Variants in SHQ1 observed in about 807,000 individuals in gnomAD.
SHQ1 encodes protein SHQ1 homolog.
SHQ1 carries 49 observed loss-of-function variants against 53.8 expected under a neutral mutation model. The ratio of observed to expected loss-of-function variants is 0.91; its 90% CI spans 0.72 to 1.16. The LOEUF (loss-of-function observed/expected upper bound fraction) is 1.16. Ranked by LOEUF, SHQ1 falls within the 50% of genes most tolerant of loss-of-function variation. The pLI is 0.00. For synonymous variants in SHQ1, 243 were observed against 251.0 expected, an observed-to-expected ratio of 0.97 and a Z score of 0.30; for missense variants, 738 against 683.1, an observed-to-expected ratio of 1.08 and a Z score of -0.90.
intron 10 of SHQ1, among the ~76,000 whole-genome samples, chr3:72,751,723 G>T (rs2106700699): frequency 7.0e-6 from 1 of 142,608 alleles, no homozygotes; most frequent in Non-Finnish European, 1.6e-5. Flanking sequence ...TCATATGTCA[G>T]ATATATTTTT....
chr3:72,778,338 A>G (rs959443964), intron 10 of SHQ1, among the ~76,000 whole-genome samples: 1 of 152,122 alleles, frequency 6.6e-6, no homozygotes, highest in Non-Finnish European at 1.5e-5. Flanking sequence ...AGTCCTAACT[A>G]CTCGGGAGGA....
chr3:72,817,671 G>A (rs1200011681), intron 6 of SHQ1, among the ~76,000 whole-genome samples: 1 of 152,236 alleles, frequency 6.6e-6, no homozygotes, highest in East Asian at 1.9e-4. Flanking sequence ...TAAGACGTCT[G>A]AATGCCAGTT....
the SHQ1 span, among the ~76,000 whole-genome samples, chr3:72,738,027 C>G: frequency 5.5e-3 from 841 of 152,300 alleles, 7 homozygotes; most frequent in African/African-American, 0.019. Flanking sequence ...CTAACCCTCC[C>G]GTGTTCAGCC....
downstream of SHQ1, among the ~76,000 whole-genome samples, chr3:72,747,894 C>T (rs1245521944): frequency 6.6e-6 from 1 of 151,836 alleles, no homozygotes; most frequent in Non-Finnish European, 1.5e-5. Flanking sequence ...GAGGCTGAGG[C>T]AGGAGAATCA....
At chr3:72,728,482 C>G in the SHQ1 span, among the ~76,000 whole-genome samples, 1 of 152,172 alleles carries the variant, frequency 6.6e-6, no homozygotes. Context: ...TGGACAGAAA[C>G]AGTTAATCTG....
chr3:72,802,447 A>G (rs1418644659), intron 9 of SHQ1, among the ~76,000 whole-genome samples: 1 of 152,194 alleles, frequency 6.6e-6, no homozygotes, highest in African/African-American at 2.4e-5. Context: ...TCCTCCCTGA[A>G]TAAGACCCAA....
chr3:72,792,888 A>T, intron 10 of SHQ1, 28 bp downstream of exon 10: 1 of 1,603,964 alleles, frequency 6.2e-7, no homozygotes, highest in Non-Finnish European at 8.5e-7. Flanking sequence ...ACATCTAAAA[A>T]TTCGTAAGTA....
intron 6 of SHQ1, among the ~76,000 whole-genome samples, chr3:72,821,977 A>G (rs1175603570): frequency 6.6e-6 from 1 of 152,164 alleles, no homozygotes; most frequent in Non-Finnish European, 1.5e-5. Flanking sequence ...TCACAGAGAA[A>G]CCATCCAACT....
rs1216022898 is a variant in SHQ1 at position 72,832,378 on chromosome 3, T to C, written c.590A>G (p.Asp197Gly). 1 of 1,608,848 alleles carries C rather than the reference T, an allele frequency of 6.2e-7. No individual in the cohort carries two copies. Among genetic ancestry groups the C allele is most frequent in the Admixed American group, 1.7e-5 (1 of 59,818 alleles). The change falls in exon 5 of 11, where the codon GAT becomes GGT. Residue 197 changes from aspartate to glycine, a missense_variant. Transcript: ENST00000325599. ...LAAELAKFDP[D>G]HYLADFFEDE... ...AAATCTCATTACTCACAGATAATGA[T>C]CAGGATCAAACTTGGCCAGCTCAGC...
rs140208082 is a variant in SHQ1, at chr3:72,833,057, G to A, written c.487-576C>T. 4.6e-3 allele frequency among the ~76,000 whole-genome samples: 702 copies of A among 152,198 alleles called. 6 individuals carry two copies. Among genetic ancestry groups the A allele is most frequent in the African/African-American group, 0.015 (638 of 41,516 alleles). ...GCCCTATTCCAATAATCCCACATGC[G>A]AAATGCTCCAAAGAGTATTTCCTTT... On this transcript the variant is annotated intron_variant, in intron 4 of 10. Coordinates refer to ENST00000325599, the MANE Select transcript of SHQ1 (RefSeq NM_018130.3).
At chr3:72,744,926 G>A (rs114088367), downstream of SHQ1, among the ~76,000 whole-genome samples, 3 of 113,676 alleles carry the variant, frequency 2.6e-5, no homozygotes, top group African/African-American at 6.8e-5. Flanking sequence ...GATACATTGG[G>A]GGGGGGGGGT....
At position 72,820,565 on chromosome 3, in the gene SHQ1, G is replaced by A. The variant is rs1875627; in HGVS notation, c.728-3181C>T. ...GCTGTAAATCATATCACCCAAAGGG[G>A]AACTTGGGGGAAGTTTGCACACAAT... On this transcript the variant is annotated intron_variant, in intron 6 of 10. Coordinates refer to ENST00000325599, the MANE Select transcript of SHQ1 (RefSeq NM_018130.3). 9.5e-3 allele frequency among the ~76,000 whole-genome samples: 1,444 copies of A among 152,264 alleles called. 21 individuals carry two copies. The highest frequency in any genetic ancestry group is 0.033 in the African/African-American group (1,360 of 41,550).
intron 9 of SHQ1, among the ~76,000 whole-genome samples, chr3:72,810,739 T>C (rs1215878049): frequency 6.6e-6 from 1 of 152,186 alleles, no homozygotes; most frequent in Non-Finnish European, 1.5e-5. Flanking sequence ...GCCATCCACC[T>C]GTACAAAGAC....
chr3:72,728,311 C>G, the SHQ1 span, among the ~76,000 whole-genome samples: 42 of 152,284 alleles, frequency 2.8e-4, no homozygotes, highest in African/African-American at 9.9e-4. Flanking sequence ...GCAAGCAACC[C>G]TTTCCTGTCA....
chr3:72,795,995 C>T (rs982157955), intron 9 of SHQ1, among the ~76,000 whole-genome samples: 4 of 146,954 alleles, frequency 2.7e-5, no homozygotes, highest in Non-Finnish European at 4.5e-5. Context: ...CCCAGCTACT[C>T]GGGAGGCTGA....
the SHQ1 span, among the ~76,000 whole-genome samples, chr3:72,732,816 T>C: frequency 8.6e-5 from 13 of 151,342 alleles, no homozygotes; most frequent in Admixed American, 2.0e-4. Context: ...TGTAGGCACA[T>C]GAATGATCAC....
chr3:72,836,482 C>T (rs1229579287), intron 4 of SHQ1, among the ~76,000 whole-genome samples: 1 of 151,622 alleles, frequency 6.6e-6, no homozygotes, highest in Non-Finnish European at 1.5e-5. Flanking sequence ...AAGCAAGACT[C>T]CGTCTCAAAA....
Position 72,812,733 on chromosome 3 carries a change from A to G in SHQ1, c.998T>C (p.Leu333Pro). 1 of 1,613,982 alleles carries G rather than the reference A, an allele frequency of 6.2e-7. No individual in the cohort carries two copies. Among genetic ancestry groups the G allele is most frequent in the East Asian group, 2.2e-5 (1 of 44,862 alleles). ...SFGRRVLCYP[L>P]YRHFKLVMKA... ...CATCACCAGCTTGAAATGGCGATAG[A>G]GTGGGTAACACAACACCCTTCTTCC... Residue 333 changes from leucine (L) to proline (P), a missense_variant, in exon 9 of 11, where the codon CTC becomes CCC. Coordinates refer to ENST00000325599, the MANE Select transcript of SHQ1 (RefSeq NM_018130.3).
chr3:72,841,411 A>C (rs1278275778), intron 3 of SHQ1, among the ~76,000 whole-genome samples: 1 of 152,232 alleles, frequency 6.6e-6, no homozygotes, highest in Non-Finnish European at 1.5e-5. Flanking sequence ...TTACAGAGCA[A>C]TGAAAGCAAA....
Sources: allele counts gnomAD v4.1 joint callset (sites outside exome capture counted in the v4.1 genomes callset), GRCh38; gene constraint gnomAD v4.1.1; transcripts MANE v1.5; gene names NCBI Gene and HGNC (gene_info 2026-07-23, HGNC 2026-07-21).